Variants in GRK4 observed in about 807,000 individuals in gnomAD.
GRK4 encodes the protein G protein-coupled receptor kinase 4, also known as G protein-coupled receptor kinase 2-like.
A neutral mutation model predicts 77.9 loss-of-function variants in GRK4; 73 were observed. The observed-to-expected ratio is 0.94, with a 90% CI of 0.78 to 1.14. The LOEUF is 1.14. Among genes scored for constraint, GRK4 ranks in the 50% most tolerant of loss-of-function variants. GRK4 has a pLI of 0.00. For missense variants in GRK4, 729 were observed against 700.2 expected, an observed-to-expected ratio of 1.04 and a Z score of -0.46; for synonymous variants, 257 against 254.4, an observed-to-expected ratio of 1.01 and a Z score of -0.10.
chr4:2,996,092 T>C (rs902881746), intron 4 of GRK4, among the ~76,000 whole-genome samples: 1 of 152,120 alleles, frequency 6.6e-6, no homozygotes, highest in Non-Finnish European at 1.5e-5. Flanking sequence ...TCCCCCTTCT[T>C]AATGCCAGCA....
intron 4 of GRK4, among the ~76,000 whole-genome samples, chr4:2,998,545 A>G (rs866097301): frequency 3.9e-5 from 6 of 152,250 alleles, no homozygotes; most frequent in Middle Eastern, 3.4e-3. Flanking sequence ...ACAAAATTTA[A>G]TTGTATTCCT....
chr4:3,013,358 G>T (rs1415093758), intron 7 of GRK4, among the ~76,000 whole-genome samples: 1 of 152,002 alleles, frequency 6.6e-6, no homozygotes, highest in Non-Finnish European at 1.5e-5. Context: ...AGCTGAAAAA[G>T]AATCTTTTCA....
intron 12 of GRK4, among the ~76,000 whole-genome samples, chr4:3,032,767 A>C (rs968718267): frequency 6.6e-6 from 1 of 152,228 alleles, no homozygotes; most frequent in African/African-American, 2.4e-5. Flanking sequence ...TACATGTAAA[A>C]TGTTTAGTAG....
At chr4:3,027,235 C>G (rs376104444) in intron 10 of GRK4, among the ~76,000 whole-genome samples, 6 of 152,138 alleles carry the variant, frequency 3.9e-5, no homozygotes, top group Non-Finnish European at 8.8e-5. Flanking sequence ...TTTATAGAGA[C>G]AGGGTCTTGT....
intron 13 of GRK4, 57 bp downstream of exon 13, chr4:3,035,580 T>C: frequency 6.5e-7 from 1 of 1,527,026 alleles, no homozygotes; most frequent in Non-Finnish European, 8.8e-7. Context: ...CACAGCACGG[T>C]TTTTCTCTTT....
Position 2,990,496 on chromosome 4 carries a change from A to T in GRK4, c.261+1657A>T, listed in dbSNP as rs542241490. Among the ~76,000 whole-genome samples the T allele has an allele frequency of 6.2e-4, 95 of 152,114 alleles. No individual in the cohort carries two copies. In the Middle Eastern group the frequency reaches 0.01, roughly 16 times the overall value. On this transcript the variant is annotated intron_variant, in intron 3 of 15. Coordinates refer to ENST00000398052, the MANE Select transcript of GRK4 (RefSeq NM_182982.3). ...GGTCTCAGACTCCTGACCTCAGGTGATCTGCCCGTCTCGGCCTCCCAAAGT... is the reference window on the plus strand; with the variant it reads ...GGTCTCAGACTCCTGACCTCAGGTGTTCTGCCCGTCTCGGCCTCCCAAAGT...
intron 10 of GRK4, among the ~76,000 whole-genome samples, chr4:3,024,776 T>A (rs1736982667): frequency 6.6e-6 from 1 of 152,082 alleles, no homozygotes; most frequent in Non-Finnish European, 1.5e-5. Context: ...GAGAATCGCT[T>A]GAACCCGGGC....
intron 6 of GRK4, among the ~76,000 whole-genome samples, chr4:3,008,071 A>G (rs1731837172): frequency 6.6e-6 from 1 of 152,232 alleles, no homozygotes; most frequent in Non-Finnish European, 1.5e-5. Context: ...ACTTCTCACA[A>G]TGCATACTGA....
At position 2,997,854 on chromosome 4, in the gene GRK4, G is replaced by A. The variant is rs182920897; in HGVS notation, c.339+5562G>A. On this transcript the variant is annotated intron_variant, in intron 4 of 15. Transcript: ENST00000398052. Reference sequence around the variant, plus strand: ...ACCTGGGAGGCAGAGGTTACAGTGAGCTGAGATTGCACCACTGCACTCCAG... The same window carrying A: ...ACCTGGGAGGCAGAGGTTACAGTGAACTGAGATTGCACCACTGCACTCCAG... 1.1e-3 allele frequency among the ~76,000 whole-genome samples: 165 copies of A among 149,808 alleles called. 1 individual carries two copies. The highest frequency in any genetic ancestry group is 3.5e-3 in the Admixed American group (53 of 14,962).
intron 1 of GRK4, among the ~76,000 whole-genome samples, chr4:2,979,450 C>A (rs534549829): frequency 1.3e-5 from 2 of 150,182 alleles, no homozygotes; most frequent in Admixed American, 1.3e-4. Context: ...CGGTGGCTCA[C>A]GCCTGTAATC....
rs1716536132 is a variant in GRK4 at position 2,964,002 on chromosome 4, TCTC to T, written c.-63_-61del. 3.6e-6 allele frequency: 5 copies of T among 1,402,134 alleles called. No individual in the cohort carries two copies. Among genetic ancestry groups the T allele is most frequent in the Non-Finnish European group, 5.0e-6 (5 of 1,004,712 alleles). The allele number at this position is 1,402,134 out of a possible 1,614,324, so 86.9% of individuals were successfully genotyped here. A position where few individuals can be genotyped will look rare whatever the true frequency, so the allele number is the denominator to read the frequency against. ...CGAGCTATGCACGGGGGCGGCGGCG[TCTC>T]CTCCTGTTCCGCCTCCTCAGTCTCC... On this transcript the variant is annotated 5_prime_UTR_variant, in exon 1 of 16. Coordinates refer to ENST00000398052, the MANE Select transcript of GRK4 (RefSeq NM_182982.3).
rs1733608164 is a variant in GRK4, at chr4:3,013,748, A to T, written c.661A>T (p.Lys221Ter). 1 of 1,613,828 alleles carries T rather than the reference A, an allele frequency of 6.2e-7. No individual in the cohort carries two copies. The highest frequency in any genetic ancestry group is 2.2e-5 in the East Asian group (1 of 44,882). The change falls in exon 8 of 16, where the codon AAA becomes TAA. Residue 221 changes from lysine to a stop codon, truncating the protein, a stop_gained. Coordinates refer to ENST00000398052, the MANE Select transcript of GRK4 (RefSeq NM_182982.3). LOFTEE classifies it high-confidence loss of function. Reference protein sequence around the residue: ...KMYACKKLQKKRIKKRKGEAM... With the variant: ...KMYACKKLQK Reference sequence around the variant, plus strand: ...GTATGCCTGCAAAAAGCTACAAAAAAAAAGAATAAAGAAGAGGAAAGGTGA... The same window carrying T: ...GTATGCCTGCAAAAAGCTACAAAAATAAAGAATAAAGAAGAGGAAAGGTGA...
Position 3,029,273 on chromosome 4 carries a change from A to C in GRK4, c.1133A>C (p.Glu378Ala), listed in dbSNP as rs1257129300. The C allele has an allele frequency of 1.9e-6, 3 of 1,614,182 alleles. No homozygotes were observed. The highest frequency in any genetic ancestry group is 2.5e-6 in the Non-Finnish European group (3 of 1,179,964). Reference protein sequence around the residue: ...DWWGLGCLIYEMIQGHSPFKK... With the variant: ...DWWGLGCLIYAMIQGHSPFKK... ...TGGGGACTTGGCTGTCTGATCTATGAAATGATTCAGGGACATTCTCCATTC... is the reference window on the plus strand; with the variant it reads ...TGGGGACTTGGCTGTCTGATCTATGCAATGATTCAGGGACATTCTCCATTC... The change falls in exon 12 of 16, where the codon GAA becomes GCA. Residue 378 changes from glutamate (E) to alanine (A), a missense_variant. Physicochemically the swap from Glu to Ala is moderately radical, Grantham distance 107. Transcript: ENST00000398052.
chr4:2,964,546 T>A (rs910423546), intron 1 of GRK4, among the ~76,000 whole-genome samples: 3 of 152,190 alleles, frequency 2.0e-5, no homozygotes, highest in Admixed American at 6.5e-5. Flanking sequence ...TGGGAACTAC[T>A]CTGGGCGAGA....
At chr4:2,977,128 T>A (rs1037726070) in intron 1 of GRK4, among the ~76,000 whole-genome samples, 1 of 152,230 alleles carries the variant, frequency 6.6e-6, no homozygotes, top group East Asian at 1.9e-4. Context: ...AGGCGGCCTT[T>A]CATACTCTCT....
Position 3,019,695 on chromosome 4 carries a change from A to G in GRK4, c.796A>G (p.Ile266Val), listed in dbSNP as rs762623772. 3 of 1,614,092 alleles carry G rather than the reference A, an allele frequency of 1.9e-6. No homozygotes were observed. Among genetic ancestry groups the G allele is most frequent in the Non-Finnish European group, 2.5e-6 (3 of 1,180,038 alleles). The change falls in exon 9 of 16, where the codon ATT (isoleucine) becomes GTT (valine). Residue 266 changes from isoleucine to valine, a missense_variant. Ile to Val is a conservative substitution (Grantham distance 29). Coordinates refer to ENST00000398052, the MANE Select transcript of GRK4 (RefSeq NM_182982.3). ...TKDALCLVLTIMNGGDLKFHI... is the reference protein window; with the variant it reads ...TKDALCLVLTVMNGGDLKFHI... The stretch of plus-strand genomic sequence containing the variant: ...AGATGCCTTGTGCTTGGTGCTCACC[A>G]TTATGAATGGAGGGGATTTGAAGTT...
chr4:2,995,675 C>CAA (rs35365237), intron 4 of GRK4, among the ~76,000 whole-genome samples: 2,588 of 137,682 alleles, frequency 0.019, 63 homozygotes, highest in African/African-American at 0.062. Flanking sequence ...GACTCCTTCT[C>CAA]AAAAAAAAAA....
Position 3,021,713 on chromosome 4 carries a change from G to T in GRK4, c.933-701G>T, listed in dbSNP as rs1392870598. On this transcript the variant is annotated intron_variant, in intron 9 of 15. Transcript: ENST00000398052. The stretch of plus-strand genomic sequence containing the variant: ...TGGACCATGGAACACACCCATAGGA[G>T]ATTTGATTCTTTTGTTACTCCTGGA... Among the ~76,000 whole-genome samples the T allele has an allele frequency of 6.6e-5, 10 of 152,180 alleles. 1 individual carries two copies. In the South Asian group the frequency reaches 1.9e-3, roughly 28 times the overall value.
In GRK4 at chr4:3,027,997, C is replaced by T. The variant is rs779740252; in HGVS notation, c.1056C>T (p.Tyr352=). 2 of 1,613,924 alleles carry T rather than the reference C, an allele frequency of 1.2e-6. No homozygotes were observed. Among genetic ancestry groups the T allele is most frequent in the Admixed American group, 1.7e-5 (1 of 60,004 alleles). Residue 352 remains tyrosine (Y), a synonymous_variant, in exon 11 of 16, where the codon TAC becomes TAT. Coordinates refer to ENST00000398052, the MANE Select transcript of GRK4 (RefSeq NM_182982.3). The part of the protein sequence containing the change: ...RVRGRVGTVG[Y]MAPEVVNNEK... ...GAGGAAGAGTTGGAACAGTCGGCTA[C>T]ATGGGTTCGTGAGAGGCTTTCGGCG...
Sources: gnomAD v4.1 joint callset for allele counts (sites outside exome capture counted in the v4.1 genomes callset) on GRCh38, gnomAD v4.1.1 for gene constraint, MANE v1.5 for transcripts, NCBI Gene and HGNC (gene_info 2026-07-23, HGNC 2026-07-21) for gene names.